PCDH10: variants seen among roughly 807,000 people sequenced by gnomAD.
PCDH10 encodes the protein protocadherin-10.
A neutral mutation model predicts 74.4 loss-of-function variants in PCDH10; 15 were observed. The observed-to-expected ratio is 0.20, with a 90% confidence interval of 0.13 to 0.31. The LOEUF (loss-of-function observed/expected upper bound fraction) is 0.31. PCDH10 is among the 10% of genes least tolerant of loss of function. PCDH10 has a pLI of 1.00. For missense variants in PCDH10, 1,260 were observed against 1,390.2 expected (o/e 0.91, Z 1.49); for synonymous variants, 619 against 589.8 (o/e 1.05, Z -0.72).
rs751822234 is a variant in PCDH10, at chr4:133,150,495, C to T, written c.355C>T (p.Pro119Ser). The T allele has an allele frequency of 3.9e-5, 58 of 1,468,952 alleles. No homozygotes were observed. The highest frequency in any genetic ancestry group is 5.0e-5 in the Non-Finnish European group (55 of 1,100,316). The allele number at this position is 1,468,952 out of a possible 1,614,324, so 91.0% of individuals were successfully genotyped here. Residue 119 changes from proline (P) to serine (S), a missense_variant, in exon 1 of 5, where the codon CCC becomes TCC. By Grantham distance (74) the Pro-to-Ser change is moderately conservative (BLOSUM62 -1). Transcript: ENST00000264360. The part of the protein sequence containing the change: ...EIEVLDINDN[P>S]PSFPEPDLTV... ...CGAGGTGCTGGACATTAATGACAACCCCCCCTCTTTCCCGGAGCCAGACCT... is the reference window on the plus strand; with the variant it reads ...CGAGGTGCTGGACATTAATGACAACTCCCCCTCTTTCCCGGAGCCAGACCT...
chr4:133,185,642 G>C (rs555329881), intron 4 of PCDH10, among the ~76,000 whole-genome samples: 16 of 152,004 alleles, frequency 1.1e-4, no homozygotes, highest in Non-Finnish European at 2.2e-4. Context: ...CTGATGATGA[G>C]GCTTATTGAA....
At chr4:133,168,246 A>G (rs1727127762) in intron 4 of PCDH10, among the ~76,000 whole-genome samples, 1 of 151,342 alleles carries the variant, frequency 6.6e-6, no homozygotes, top group Admixed American at 6.6e-5. Flanking sequence ...TGCAGATATG[A>G]AACACAGCAG....
At position 133,192,295 on chromosome 4, in the gene PCDH10, G is replaced by GA. The variant is rs947413346; in HGVS notation, c.*2141dup. The GA allele has an allele frequency of 2.6e-5, 4 of 151,400 alleles. No individual in the cohort carries two copies. The highest frequency in any genetic ancestry group is 3.0e-5 in the Non-Finnish European group (2 of 67,580). The allele number at this position is 151,400 out of a possible 1,614,324, so 9.4% of individuals were successfully genotyped here. ...GAAATGTTTATACATAATTTAACTG[G>GA]AAAAAAGTCTGTTTGTTCCAACTCT... On this transcript the variant is annotated 3_prime_UTR_variant, in exon 5 of 5. Transcript: ENST00000264360.
intron 4 of PCDH10, among the ~76,000 whole-genome samples, chr4:133,181,315 C>A (rs1207231213): frequency 6.6e-6 from 1 of 151,574 alleles, no homozygotes; most frequent in Non-Finnish European, 1.5e-5. Context: ...AACTCTCATG[C>A]CTTAATTTTA....
rs149826183 is a variant in PCDH10, at chr4:133,203,664, G to A, written n.438-4412G>A. Among the ~76,000 whole-genome samples the A allele has an allele frequency of 5.9e-5, 9 of 152,216 alleles. No individual in the cohort carries two copies. The East Asian group carries it at 1.7e-3, about 29-fold the overall frequency. Reference sequence around the variant, plus strand: ...GCCTTCCTCTTTTTTTAATCTCTCTGTTCTCTCTGTACAAATTTCCTCAGA... The same window carrying A: ...GCCTTCCTCTTTTTTTAATCTCTCTATTCTCTCTGTACAAATTTCCTCAGA... On this transcript the variant is annotated intron_variant and non_coding_transcript_variant, in intron 2 of 2. Coordinates refer to the PCDH10 transcript ENST00000511112.
chr4:133,195,673 A>C (rs187595497), downstream of PCDH10, among the ~76,000 whole-genome samples: 234 of 152,236 alleles, frequency 1.5e-3, no homozygotes, highest in African/African-American at 5.4e-3. Context: ...AAATCATCAA[A>C]TAATTAAGTG....
chr4:133,207,707 A>C (rs1345388521), intron 2 of PCDH10, among the ~76,000 whole-genome samples: 1 of 152,210 alleles, frequency 6.6e-6, no homozygotes. Context: ...AGAACAATAT[A>C]TTTGGGAAAA....
intron 4 of PCDH10, among the ~76,000 whole-genome samples, chr4:133,175,211 TTCCTC>T (rs1727271164): frequency 6.6e-6 from 1 of 152,084 alleles, no homozygotes; most frequent in Non-Finnish European, 1.5e-5. Flanking sequence ...TTAACTTACT[TTCCTC>T]TCTAATTTCA....
intron 4 of PCDH10, among the ~76,000 whole-genome samples, chr4:133,172,660 T>C (rs1727225033): frequency 6.6e-6 from 1 of 151,962 alleles, no homozygotes; most frequent in Non-Finnish European, 1.5e-5. Context: ...CAAAAATTAG[T>C]TTTTCTGGGG....
chr4:133,159,557 G>T (rs1160580210), intron 3 of PCDH10, among the ~76,000 whole-genome samples: 1 of 152,008 alleles, frequency 6.6e-6, no homozygotes, highest in Admixed American at 6.6e-5. Flanking sequence ...CTGAAGCCAG[G>T]TGAGGGATGT....
chr4:133,169,494 G>A (rs765469817), intron 4 of PCDH10, among the ~76,000 whole-genome samples: 20 of 151,732 alleles, frequency 1.3e-4, no homozygotes, highest in Admixed American at 6.6e-4. Flanking sequence ...AACATTTAGC[G>A]TATTAACATT....
In PCDH10 at chr4:133,166,572, A is replaced by G. The variant is rs190978929; in HGVS notation, c.3103+3290A>G. On this transcript the variant is annotated intron_variant, in intron 4 of 4. Coordinates refer to ENST00000264360, the MANE Select transcript of PCDH10 (RefSeq NM_032961.3). ...TATAAAGTCAAGAATGTAATTGACA[A>G]AAGTTATATTATTAGTATAATTTCA... 2.8e-4 allele frequency among the ~76,000 whole-genome samples: 42 copies of G among 151,676 alleles called. 1 individual carries two copies. The East Asian group carries it at 5.6e-3, about 20-fold the overall frequency.
rs1286913337 is a variant in PCDH10 at position 133,192,467 on chromosome 4, T to C, written c.*2307T>C. On this transcript the variant is annotated 3_prime_UTR_variant, in exon 5 of 5. Transcript: ENST00000264360. Reference sequence around the variant, plus strand: ...AATAAGATTATACTCACTTCATGTATAGTAATTATATTGTCATTTACCTCA... The same window carrying C: ...AATAAGATTATACTCACTTCATGTACAGTAATTATATTGTCATTTACCTCA... The C allele has an allele frequency of 2.6e-5, 4 of 151,628 alleles. No individual in the cohort carries two copies. The East Asian group carries it at 7.7e-4, about 29-fold the overall frequency. 9.4% of individuals were successfully genotyped at this position (151,628 alleles called of 1,614,324 possible).
chr4:133,167,893 C>T (rs1727119611), intron 4 of PCDH10, among the ~76,000 whole-genome samples: 1 of 151,158 alleles, frequency 6.6e-6, no homozygotes, highest in Admixed American at 6.6e-5. Flanking sequence ...ACTTCAACTC[C>T]ATGAATAGGA....
chr4:133,163,054 G>T lies in PCDH10; in HGVS notation c.2875G>T (p.Val959Phe). The change falls in exon 4 of 5, where the codon GTC becomes TTC. Residue 959 changes from valine to phenylalanine, a missense_variant. By Grantham distance (50) the Val-to-Phe change is conservative. Transcript: ENST00000264360. ...AGATCGGTGCTGGATGCCTTCTTTT[G>T]TCCCTTCTGATGGACGCCAGGCTGC... ...HSDRCWMPSF[V>F]PSDGRQAADY... The T allele has an allele frequency of 2.5e-6, 4 of 1,614,120 alleles. No individual in the cohort carries two copies. The highest frequency in any genetic ancestry group is 3.4e-6 in the Non-Finnish European group (4 of 1,179,996).
At chr4:133,163,770 A>G in intron 4 of PCDH10, 5 of 352,094 alleles carry the variant, frequency 1.4e-5, no homozygotes, top group South Asian at 1.1e-4. Context: ...TTCATCTACT[A>G]CAAAAATAAC....
chr4:133,172,090 T>C (rs1727214776), intron 4 of PCDH10, among the ~76,000 whole-genome samples: 1 of 152,042 alleles, frequency 6.6e-6, no homozygotes, highest in Admixed American at 6.6e-5. Flanking sequence ...AAATCTTCCA[T>C]GTTTTCCATC....
At chr4:133,160,073 A>G (rs1459408922) in intron 3 of PCDH10, among the ~76,000 whole-genome samples, 1 of 152,016 alleles carries the variant, frequency 6.6e-6, no homozygotes, top group Non-Finnish European at 1.5e-5. Context: ...ATATAACTAC[A>G]TAACAAATGA....
chr4:133,184,054 T>C (rs910498731), intron 4 of PCDH10, among the ~76,000 whole-genome samples: 11 of 152,108 alleles, frequency 7.2e-5, no homozygotes, highest in African/African-American at 2.4e-4. Flanking sequence ...AAAATAAAAA[T>C]AAATACCTGC....
Sources: allele counts gnomAD v4.1 joint callset (sites outside exome capture counted in the v4.1 genomes callset), GRCh38; gene constraint gnomAD v4.1.1; transcripts MANE v1.5; gene names NCBI Gene and HGNC (gene_info 2026-07-23, HGNC 2026-07-21).